HMGCLL1: variants seen among roughly 807,000 people sequenced by gnomAD.
HMGCLL1 encodes 3-hydroxy-3-methylglutaryl-CoA lyase like 1, also known as 3-hydroxymethyl-3-methylglutaryl-CoA lyase, cytoplasmic.
HMGCLL1 carries 36 observed loss-of-function variants against 39.1 expected under a neutral mutation model. The ratio of observed to expected loss-of-function variants is 0.92; its 90% CI spans 0.71 to 1.22. The LOEUF (loss-of-function observed/expected upper bound fraction) is 1.22, where lower values mean the gene tolerates loss of function less well. HMGCLL1 is among the 50% of genes most tolerant of loss of function. The pLI is 0.00. For synonymous variants in HMGCLL1, 149 were observed against 144.0 expected (o/e 1.03, Z -0.25); for missense variants, 451 against 416.5 (o/e 1.08, Z -0.72).
At chr6:55,465,601 T>C (rs895139558) in intron 7 of HMGCLL1, among the ~76,000 whole-genome samples, 2 of 152,104 alleles carry the variant, frequency 1.3e-5, no homozygotes. Context: ...TTCTGGTAGA[T>C]ACCCTTTATG....
the HMGCLL1 span, among the ~76,000 whole-genome samples, chr6:55,614,883 A>G: frequency 1.3e-5 from 2 of 152,080 alleles, no homozygotes; most frequent in Non-Finnish European, 2.9e-5. Context: ...GGCTGGGTGC[A>G]GAGCCTCATA....
chr6:55,639,150 A>G, the HMGCLL1 span, among the ~76,000 whole-genome samples: 2 of 152,192 alleles, frequency 1.3e-5, no homozygotes, highest in African/African-American at 4.8e-5. Context: ...ATGTTGAACT[A>G]TTAAATTAAG....
At chr6:55,545,580 A>G (rs7741830) in intron 1 of HMGCLL1, among the ~76,000 whole-genome samples, 101,966 of 151,948 alleles carry the variant, frequency 0.67, 34,446 homozygotes, top group Admixed American at 0.72. Flanking sequence ...GCTGGGGCTG[A>G]TATATGCCAA....
chr6:55,658,409 C>A, the HMGCLL1 span, among the ~76,000 whole-genome samples: 953 of 152,028 alleles, frequency 6.3e-3, 34 homozygotes, highest in East Asian at 0.055. Context: ...GAAACAACAT[C>A]CTCCACCCCC....
intron 3 of HMGCLL1, among the ~76,000 whole-genome samples, chr6:55,533,641 C>T (rs1175561021): frequency 1.3e-5 from 2 of 151,860 alleles, no homozygotes; most frequent in African/African-American, 4.8e-5. Flanking sequence ...AATCCCAGCA[C>T]TTTGGGAGGC....
At chr6:55,547,182 AAAT>A (rs1770026419) in intron 1 of HMGCLL1, among the ~76,000 whole-genome samples, 1 of 152,102 alleles carries the variant, frequency 6.6e-6, no homozygotes. Flanking sequence ...TGGTTGAAGA[AAAT>A]AATAATGAAT....
chr6:55,525,967 T>G (rs371915829), intron 3 of HMGCLL1, among the ~76,000 whole-genome samples: 42 of 151,992 alleles, frequency 2.8e-4, no homozygotes, highest in African/African-American at 1.0e-3. Flanking sequence ...CCCAACTTAT[T>G]GGACTCTAAG....
intron 7 of HMGCLL1, among the ~76,000 whole-genome samples, chr6:55,466,043 G>T (rs1164645218): frequency 1.3e-5 from 2 of 152,058 alleles, no homozygotes; most frequent in Non-Finnish European, 2.9e-5. Flanking sequence ...CTTGCTGAAA[G>T]TATGCCAGAC....
chr6:55,455,511 C>A (rs191612903), intron 7 of HMGCLL1, among the ~76,000 whole-genome samples: 25 of 152,154 alleles, frequency 1.6e-4, no homozygotes, highest in Admixed American at 1.6e-3. Flanking sequence ...GGAGAAAACT[C>A]GCATGTCTAG....
upstream of HMGCLL1, among the ~76,000 whole-genome samples, chr6:55,582,475 G>T (rs1426241833): frequency 6.6e-6 from 1 of 152,092 alleles, no homozygotes; most frequent in Non-Finnish European, 1.5e-5. Context: ...ACCTCTGGGG[G>T]TGGGGGTAAG....
At chr6:55,527,428 G>T (rs1194614299) in intron 3 of HMGCLL1, among the ~76,000 whole-genome samples, 1 of 152,022 alleles carries the variant, frequency 6.6e-6, no homozygotes, top group African/African-American at 2.4e-5. Flanking sequence ...AATAAGGTTG[G>T]CTTGAAGGGG....
intron 1 of HMGCLL1, among the ~76,000 whole-genome samples, chr6:55,557,207 A>C (rs1340903558): frequency 2.6e-5 from 4 of 152,182 alleles, no homozygotes; most frequent in Non-Finnish European, 1.5e-5. Flanking sequence ...ATTTATTCGT[A>C]TATTTTTCCA....
intron 7 of HMGCLL1, among the ~76,000 whole-genome samples, chr6:55,462,587 T>G (rs151135212): frequency 7.7e-4 from 117 of 152,326 alleles, no homozygotes; most frequent in African/African-American, 2.7e-3. Flanking sequence ...CAATAGAATC[T>G]TATAAATTAT....
rs769986217 is a variant in HMGCLL1, at chr6:55,541,728, C to T, written c.297+1G>A. On this transcript the variant is annotated splice_donor_variant, in intron 3 of 8. Transcript: ENST00000274901. LOFTEE classifies it high-confidence loss of function. ...AATTAAGAAATTGTGGGTTTACATA[C>T]CTGTGGTACCCATCTGGAAGACACA... 7.2e-6 allele frequency: 11 copies of T among 1,524,154 alleles called. No homozygotes were observed. The highest frequency in any genetic ancestry group is 9.0e-6 in the Non-Finnish European group (10 of 1,113,300). The allele number at this position is 1,524,154 out of a possible 1,614,324, so 94.4% of individuals were successfully genotyped here. A position where few individuals can be genotyped will look rare whatever the true frequency, so the allele number is the denominator to read the frequency against.
intron 5 of HMGCLL1, among the ~76,000 whole-genome samples, chr6:55,507,367 C>T (rs1025678180): frequency 3.3e-5 from 5 of 151,646 alleles, no homozygotes; most frequent in Non-Finnish European, 7.4e-5. Context: ...CTCTAAGTAT[C>T]CTTTGGGACA....
chr6:55,502,861 T>C (rs1273254706), intron 5 of HMGCLL1, among the ~76,000 whole-genome samples: 3 of 151,762 alleles, frequency 2.0e-5, no homozygotes, highest in Non-Finnish European at 4.4e-5. Flanking sequence ...AAAGATGTTA[T>C]ATCTTTTTTA....
the HMGCLL1 span, among the ~76,000 whole-genome samples, chr6:55,657,670 G>C: frequency 6.6e-6 from 1 of 151,896 alleles, no homozygotes; most frequent in Non-Finnish European, 1.5e-5. Context: ...ATGCCCATCA[G>C]TGATAGATTG....
At chr6:55,524,227 C>T (rs1197700767) in intron 3 of HMGCLL1, among the ~76,000 whole-genome samples, 2 of 151,604 alleles carry the variant, frequency 1.3e-5, no homozygotes, top group African/African-American at 4.8e-5. Flanking sequence ...ATAGTGTTGA[C>T]CTTAGAAAGA....
At chr6:55,459,623 G>A (rs1011443593) in intron 7 of HMGCLL1, among the ~76,000 whole-genome samples, 7 of 151,914 alleles carry the variant, frequency 4.6e-5, no homozygotes, top group East Asian at 3.9e-4. Flanking sequence ...ATTTAATAAC[G>A]ATTTATTAAA....
Sources: allele counts gnomAD v4.1 joint callset (sites outside exome capture counted in the v4.1 genomes callset), GRCh38; gene constraint gnomAD v4.1.1; transcripts MANE v1.5; gene names NCBI Gene and HGNC (gene_info 2026-07-23, HGNC 2026-07-21).